Variants in RBFOX1 observed in about 807,000 individuals in gnomAD.
RBFOX1 encodes the protein RNA binding fox-1 homolog 1.
RBFOX1 carries 8 observed loss-of-function variants against 57.7 expected under a neutral mutation model. The observed-to-expected ratio is 0.14, with a 90% CI of 0.08 to 0.25. The LOEUF (loss-of-function observed/expected upper bound fraction) is 0.25, where lower values mean the gene tolerates loss of function less well. RBFOX1 is among the 10% of genes least tolerant of loss of function. RBFOX1 has a pLI of 1.00. For missense variants in RBFOX1, 611 were observed against 548.5 expected (o/e 1.11, Z -1.14); for synonymous variants, 326 against 222.4 (o/e 1.47, Z -4.15).
intron 3 of RBFOX1, among the ~76,000 whole-genome samples, chr16:6,919,067 G>T (rs770680899): frequency 6.6e-6 from 1 of 152,088 alleles, no homozygotes; most frequent in Non-Finnish European, 1.5e-5. Flanking sequence ...TGCAACCTCC[G>T]TTCTTGGGTT....
intron 3 of RBFOX1, among the ~76,000 whole-genome samples, chr16:5,627,752 G>A (rs113578278): frequency 0.056 from 8,492 of 152,158 alleles, 816 homozygotes; most frequent in African/African-American, 0.19. Context: ...TATTTACATA[G>A]CATTTACATT....
intron 4 of RBFOX1, among the ~76,000 whole-genome samples, chr16:7,054,484 G>C (rs1231139569): frequency 7.0e-6 from 1 of 142,512 alleles, no homozygotes; most frequent in East Asian, 2.3e-4. Flanking sequence ...CTCGTGATCC[G>C]CCAGCCTCGG....
intron 3 of RBFOX1, among the ~76,000 whole-genome samples, chr16:5,609,153 G>A (rs1304358410): frequency 6.6e-6 from 1 of 152,192 alleles, no homozygotes; most frequent in East Asian, 1.9e-4. Context: ...AGGGCTCTGT[G>A]CTGTGTATCG....
chr16:7,110,085 C>T (rs1048351490), intron 4 of RBFOX1, among the ~76,000 whole-genome samples: 1 of 151,160 alleles, frequency 6.6e-6, no homozygotes, highest in African/African-American at 2.4e-5. Flanking sequence ...TGTGGTGGCT[C>T]AGGCATGTAT....
chr16:6,746,092 A>T (rs2073550504), intron 3 of RBFOX1, among the ~76,000 whole-genome samples: 1 of 152,188 alleles, frequency 6.6e-6, no homozygotes, highest in African/African-American at 2.4e-5. Flanking sequence ...ATACCCTTAA[A>T]ACTACAGAAT....
intron 4 of RBFOX1, among the ~76,000 whole-genome samples, chr16:7,451,246 C>T (rs143828967): frequency 2.0e-5 from 3 of 152,194 alleles, no homozygotes; most frequent in Non-Finnish European, 2.9e-5. Flanking sequence ...ATATTGAATT[C>T]AGTTCTATGA....
At chr16:7,686,764 T>A (rs2076153287) in intron 14 of RBFOX1, among the ~76,000 whole-genome samples, 1 of 152,052 alleles carries the variant, frequency 6.6e-6, no homozygotes. Flanking sequence ...CAAAGCATGG[T>A]TTTCAGATTC....
intron 1 of RBFOX1, among the ~76,000 whole-genome samples, chr16:6,058,633 CCCATCCACCCAT>C (rs1276369898): frequency 6.8e-5 from 10 of 147,922 alleles, no homozygotes; most frequent in African/African-American, 1.8e-4. Flanking sequence ...CATCTACCCA[CCCATCCACCCAT>C]CCATCCACCC....
intron 1 of RBFOX1, among the ~76,000 whole-genome samples, chr16:6,079,184 T>C (rs904939240): frequency 6.6e-6 from 1 of 152,182 alleles, no homozygotes; most frequent in Non-Finnish European, 1.5e-5. Context: ...TACATGCCTG[T>C]AATCCCAGCT....
At chr16:7,192,353 A>T (rs1485156498) in intron 4 of RBFOX1, among the ~76,000 whole-genome samples, 1 of 152,168 alleles carries the variant, frequency 6.6e-6, no homozygotes, top group East Asian at 1.9e-4. Flanking sequence ...GGGGTGAGAA[A>T]TTGGCTGAAC....
At chr16:5,639,996 C>G (rs902884482) in intron 3 of RBFOX1, among the ~76,000 whole-genome samples, 4 of 152,212 alleles carry the variant, frequency 2.6e-5, no homozygotes, top group Non-Finnish European at 5.9e-5. Context: ...TTCACTGGCA[C>G]TGGACTGATT....
At chr16:5,975,265 C>T (rs375088952) in intron 4 of RBFOX1, among the ~76,000 whole-genome samples, 47 of 152,306 alleles carry the variant, frequency 3.1e-4, no homozygotes, top group African/African-American at 9.4e-4. Context: ...CTATCCTGCA[C>T]GGGATCTGCC....
At chr16:6,844,542 C>T (rs1299358157) in intron 3 of RBFOX1, among the ~76,000 whole-genome samples, 2 of 152,102 alleles carry the variant, frequency 1.3e-5, no homozygotes, top group Non-Finnish European at 2.9e-5. Context: ...CATAGTATTC[C>T]ATGGTGTATA....
intron 3 of RBFOX1, among the ~76,000 whole-genome samples, chr16:5,633,896 CAAAAG>C (rs1368984234): frequency 6.6e-6 from 1 of 151,740 alleles, no homozygotes; most frequent in Non-Finnish European, 1.5e-5. Flanking sequence ...AGACAGTTCT[CAAAAG>C]AAGATATACA....
exon 3 of RBFOX1, chr16:5,599,967 G>A (rs1364032086): frequency 6.6e-6 from 1 of 151,992 alleles, no homozygotes; most frequent in Non-Finnish European, 1.5e-5. Context: ...AGGAGTTGGA[G>A]ACCAGCCTGG....
At chr16:7,541,525 G>T (rs1303624664) in intron 5 of RBFOX1, among the ~76,000 whole-genome samples, 1 of 152,048 alleles carries the variant, frequency 6.6e-6, no homozygotes, top group Non-Finnish European at 1.5e-5. Context: ...TCATTTACAG[G>T]ATAGGAAATA....
At chr16:6,701,786 T>A (rs1244927714) in intron 3 of RBFOX1, among the ~76,000 whole-genome samples, 3 of 152,112 alleles carry the variant, frequency 2.0e-5, no homozygotes, top group Non-Finnish European at 4.4e-5. Flanking sequence ...AAGAATGAAA[T>A]CGTGTCCTTT....
intron 4 of RBFOX1, among the ~76,000 whole-genome samples, chr16:5,897,334 C>A (rs62013861): frequency 0.071 from 10,878 of 152,150 alleles, 546 homozygotes; most frequent in Non-Finnish European, 0.1. Context: ...CGCGCCCGGC[C>A]CTCCATCCGC....
intron 3 of RBFOX1, among the ~76,000 whole-genome samples, chr16:5,804,651 C>G (rs1222297714): frequency 1.3e-5 from 2 of 152,142 alleles, no homozygotes; most frequent in Non-Finnish European, 2.9e-5. Context: ...CTCCCTTCCC[C>G]TCTTCTGCCC....
Sources: gnomAD v4.1 joint callset for allele counts (sites outside exome capture counted in the v4.1 genomes callset) on GRCh38, gnomAD v4.1.1 for gene constraint, MANE v1.5 for transcripts, NCBI Gene and HGNC (gene_info 2026-07-23, HGNC 2026-07-21) for gene names.